The following NXPH1 variants were observed in gnomAD, a reference collection of about 807,000 sequenced individuals.
The protein encoded by NXPH1 is neurexophilin 1.
A neutral mutation model predicts 23.7 loss-of-function variants in NXPH1; 5 were observed. The ratio of observed to expected loss-of-function variants is 0.21; its 90% CI spans 0.11 to 0.44. The LOEUF (loss-of-function observed/expected upper bound fraction) is 0.44, where lower values mean the gene tolerates loss of function less well. Ranked by LOEUF, NXPH1 falls within the 20% of genes least tolerant of loss-of-function variation. The pLI is 0.99. For missense variants in NXPH1, 324 were observed against 321.6 expected (o/e 1.01, Z -0.06); for synonymous variants, 144 against 122.2 (o/e 1.18, Z -1.18).
At chr7:8,594,932 G>T (rs1306490682) in intron 2 of NXPH1, among the ~76,000 whole-genome samples, 2 of 152,012 alleles carry the variant, frequency 1.3e-5, no homozygotes. Flanking sequence ...AATTAGCAAT[G>T]CAGGAAGCAG....
intron 2 of NXPH1, among the ~76,000 whole-genome samples, chr7:8,728,319 A>T (rs932160276): frequency 6.6e-6 from 1 of 152,112 alleles, no homozygotes; most frequent in African/African-American, 2.4e-5. Context: ...TCCTAATTGA[A>T]TACTCTTTAT....
Position 8,751,206 on chromosome 7 carries a change from C to G in NXPH1, c.253C>G (p.Gln85Glu). The part of the protein sequence containing the change: ...RYDTPEPYSE[Q>E]DLWDWLRNST... ...TGACACCCCAGAACCTTATTCTGAG[C>G]AAGACCTCTGGGACTGGCTGAGGAA... The change falls in exon 3 of 3, where the codon CAA (glutamine) becomes GAA (glutamate). Residue 85 changes from glutamine to glutamate, a missense_variant. Gln to Glu is a conservative substitution (Grantham distance 29). Transcript: ENST00000405863. This position sits in a 1 kb window ranked among gnomAD's most constrained non-coding sequence, Gnocchi z 4.5. 1.2e-6 allele frequency: 2 copies of G among 1,613,830 alleles called. No individual in the cohort carries two copies. The highest frequency in any genetic ancestry group is 1.7e-6 in the Non-Finnish European group (2 of 1,179,796).
intron 2 of NXPH1, among the ~76,000 whole-genome samples, chr7:8,684,958 T>C (rs6463833): frequency 0.018 from 2,809 of 152,248 alleles, 86 homozygotes; most frequent in African/African-American, 0.064. Context: ...TTCGCCATGT[T>C]GCACTGTATA....
At position 8,742,996 on chromosome 7, in the gene NXPH1, A is replaced by G. The variant is rs74997898; in HGVS notation, c.55-8012A>G. On this transcript the variant is annotated intron_variant, in intron 2 of 2. Coordinates refer to ENST00000405863, the MANE Select transcript of NXPH1 (RefSeq NM_152745.3). ...GTGTGTGTGGTTTAAATGTAATACA[A>G]TGCCATATGTAAAGTGCTAATTACA... Among the ~76,000 whole-genome samples the G allele has an allele frequency of 3.2e-3, 480 of 152,166 alleles. 3 individuals carry two copies. The highest frequency in any genetic ancestry group is 0.011 in the African/African-American group (455 of 41,524).
intron 2 of NXPH1, among the ~76,000 whole-genome samples, chr7:8,452,384 T>C (rs1176085208): frequency 2.0e-5 from 3 of 152,176 alleles, no homozygotes; most frequent in African/African-American, 7.2e-5. Context: ...CTGTTGAATA[T>C]TCCTCCTGTT....
chr7:8,577,142 G>A (rs1256371571), intron 2 of NXPH1, among the ~76,000 whole-genome samples: 2 of 152,096 alleles, frequency 1.3e-5, no homozygotes, highest in Non-Finnish European at 2.9e-5. Context: ...TAATGTATTT[G>A]CATAACATTC....
At chr7:8,467,262 A>G (rs1816801056) in intron 2 of NXPH1, among the ~76,000 whole-genome samples, 1 of 152,200 alleles carries the variant, frequency 6.6e-6, no homozygotes, top group South Asian at 2.1e-4. Context: ...AATGTATTTT[A>G]TAGATCTATG....
chr7:8,542,736 CA>C (rs1384684931), intron 2 of NXPH1, among the ~76,000 whole-genome samples: 1 of 151,386 alleles, frequency 6.6e-6, no homozygotes, highest in Non-Finnish European at 1.5e-5. Context: ...ATTTTAGGGA[CA>C]AAAACCTATC....
intron 2 of NXPH1, among the ~76,000 whole-genome samples, chr7:8,579,426 G>A (rs926743096): frequency 6.7e-6 from 1 of 150,360 alleles, no homozygotes; most frequent in African/African-American, 2.5e-5. Flanking sequence ...AGGCTAGAGT[G>A]CAATGGTGTG....
intron 2 of NXPH1, among the ~76,000 whole-genome samples, chr7:8,504,931 G>C (rs1384143363): frequency 6.6e-6 from 1 of 151,980 alleles, no homozygotes; most frequent in African/African-American, 2.4e-5. Flanking sequence ...ATAAATATTT[G>C]TTGTTTGAAC....
intron 2 of NXPH1, among the ~76,000 whole-genome samples, chr7:8,660,209 C>T (rs758747376): frequency 6.6e-6 from 1 of 152,116 alleles, no homozygotes; most frequent in African/African-American, 2.4e-5. Context: ...GCCAGATAGG[C>T]ATTAATTTGT....
intron 2 of NXPH1, among the ~76,000 whole-genome samples, chr7:8,539,142 G>A (rs1584220026): frequency 6.6e-6 from 1 of 151,962 alleles, no homozygotes; most frequent in Middle Eastern, 3.4e-3. Flanking sequence ...ACTCTCCTGG[G>A]AAGATGGGTA....
intron 2 of NXPH1, among the ~76,000 whole-genome samples, chr7:8,624,988 T>C (rs1819956284): frequency 6.6e-6 from 1 of 152,130 alleles, no homozygotes; most frequent in Non-Finnish European, 1.5e-5. Flanking sequence ...CAACATTTCT[T>C]AAAGCACTCA....
chr7:8,615,709 A>C (rs959226091), intron 2 of NXPH1, among the ~76,000 whole-genome samples: 1 of 151,936 alleles, frequency 6.6e-6, no homozygotes, highest in African/African-American at 2.4e-5. Flanking sequence ...TTTGCTAAAG[A>C]TTGGAGAAGG....
chr7:8,559,069 T>C (rs1434251043), intron 2 of NXPH1, among the ~76,000 whole-genome samples: 1 of 151,588 alleles, frequency 6.6e-6, no homozygotes. Context: ...TGGGCTAAAG[T>C]GACTTCCACC....
chr7:8,670,870 C>G (rs1313562030), intron 2 of NXPH1, among the ~76,000 whole-genome samples: 1 of 152,166 alleles, frequency 6.6e-6, no homozygotes, highest in Non-Finnish European at 1.5e-5. Flanking sequence ...GGGTTCCCCT[C>G]TGATACTGCT....
At chr7:8,457,771 G>A (rs1816624843) in intron 2 of NXPH1, among the ~76,000 whole-genome samples, 1 of 152,030 alleles carries the variant, frequency 6.6e-6, no homozygotes, top group East Asian at 1.9e-4. Context: ...ACTAAGTGGA[G>A]GCTATGTGTG....
At chr7:8,629,253 C>T (rs1297521742) in intron 2 of NXPH1, among the ~76,000 whole-genome samples, 1 of 151,852 alleles carries the variant, frequency 6.6e-6, no homozygotes, top group Non-Finnish European at 1.5e-5. Flanking sequence ...TTAAGCATTC[C>T]CTTTGTACCC....
Position 8,442,482 on chromosome 7 carries a change from C to T in NXPH1, c.54+6715C>T, listed in dbSNP as rs937966568. 7.2e-5 allele frequency among the ~76,000 whole-genome samples: 11 copies of T among 152,224 alleles called. No homozygotes were observed. Among genetic ancestry groups the T allele is most frequent in the African/African-American group, 2.7e-4 (11 of 41,466 alleles). ...AGGGGGAGGCCGCGCGTCCTCGCCACACCGGAAGGAGAGGGCATCCGGCTC... is the reference window on the plus strand; with the variant it reads ...AGGGGGAGGCCGCGCGTCCTCGCCATACCGGAAGGAGAGGGCATCCGGCTC... On this transcript the variant is annotated intron_variant, in intron 2 of 2. Transcript: ENST00000405863. This position sits in a 1 kb window ranked among gnomAD's most constrained non-coding sequence, Gnocchi z 4.6.
Sources: allele counts gnomAD v4.1 joint callset (sites outside exome capture counted in the v4.1 genomes callset), GRCh38; gene constraint gnomAD v4.1.1; non-coding constraint Gnocchi (gnomAD v3.1); transcripts MANE v1.5; gene names NCBI Gene and HGNC (gene_info 2026-07-23, HGNC 2026-07-21).